PPIL3: variants seen among roughly 807,000 people sequenced by gnomAD.
PPIL3 encodes the protein peptidylprolyl isomerase like 3, also known as peptidyl-prolyl cis-trans isomerase-like 3.
PPIL3 carries 13 observed loss-of-function variants against 20.9 expected under a neutral mutation model. That is an observed-to-expected ratio of 0.62 (90% CI 0.40 to 0.99). PPIL3 has a LOEUF of 0.99. PPIL3 is among the 50% of genes least tolerant of loss of function. PPIL3 has a pLI of 0.00. For synonymous variants in PPIL3, 71 were observed against 64.4 expected, an observed-to-expected ratio of 1.10 and a Z score of -0.49; for missense variants, 170 against 195.2, an observed-to-expected ratio of 0.87 and a Z score of 0.77.
Position 200,885,486 on chromosome 2 carries a change from A to G in PPIL3, c.78+212T>C, listed in dbSNP as rs372950750. 20 of 512,526 alleles carry G rather than the reference A, an allele frequency of 3.9e-5. 1 individual carries two copies. The highest frequency in any genetic ancestry group is 2.6e-4 in the African/African-American group (13 of 50,182). 31.7% of individuals were successfully genotyped at this position (512,526 alleles called of 1,614,324 possible). A position where few individuals can be genotyped will look rare whatever the true frequency, so the allele number is the denominator to read the frequency against. ...AAAAGAAAAAGATACTGGCTACTCTATCGTTACCGAAAAATTATCTACGTT... is the reference window on the plus strand; with the variant it reads ...AAAAGAAAAAGATACTGGCTACTCTGTCGTTACCGAAAAATTATCTACGTT... On this transcript the variant is annotated intron_variant, in intron 3 of 6. Coordinates refer to ENST00000392283, the MANE Select transcript of PPIL3 (RefSeq NM_130906.3).
rs1357576384 is a variant in PPIL3 at position 200,882,330 on chromosome 2, G to A, written c.172+12C>T. The A allele has an allele frequency of 6.6e-7, 1 of 1,518,722 alleles. No homozygotes were observed. The highest frequency in any genetic ancestry group is 1.7e-5 in the Admixed American group (1 of 59,642). The allele number at this position is 1,518,722 out of a possible 1,614,324, so 94.1% of individuals were successfully genotyped here. A position where few individuals can be genotyped will look rare whatever the true frequency, so the allele number is the denominator to read the frequency against. Reference sequence around the variant, plus strand: ...TTCAGTTCCTTAGATCTTGGTTAATGGAATAACTTACCTGTTGGATCTCCT... The same window carrying A: ...TTCAGTTCCTTAGATCTTGGTTAATAGAATAACTTACCTGTTGGATCTCCT... On this transcript the variant is annotated intron_variant, in intron 4 of 6. Transcript: ENST00000392283.
chr2:200,882,637 TG>T (rs2039773931), intron 3 of PPIL3, among the ~76,000 whole-genome samples: 1 of 152,096 alleles, frequency 6.6e-6, no homozygotes, highest in Non-Finnish European at 1.5e-5. Flanking sequence ...TCGCCGGGCA[TG>T]GTGGCTAACG....
chr2:200,881,644 C>A, intron 4 of PPIL3, 156 bp from the exon 5 acceptor site: 1 of 597,736 alleles, frequency 1.7e-6, no homozygotes, highest in Non-Finnish European at 2.9e-6. Context: ...ACTTCACAGA[C>A]CTGAAGATTA....
intron 5 of PPIL3, 146 bp downstream of exon 5, chr2:200,881,275 G>T: frequency 1.6e-6 from 1 of 626,184 alleles, no homozygotes; most frequent in Non-Finnish European, 2.7e-6. Flanking sequence ...AAGTCTCCCC[G>T]ACATCATTTG....
chr2:200,887,341 C>T (rs2039970266), intron 2 of PPIL3, among the ~76,000 whole-genome samples: 1 of 134,790 alleles, frequency 7.4e-6, no homozygotes, highest in Non-Finnish European at 1.5e-5. Context: ...GCCGAGATTA[C>T]ACCACTGCAC....
intron 6 of PPIL3, among the ~76,000 whole-genome samples, chr2:200,872,159 G>GC (rs2039329941): frequency 6.6e-6 from 1 of 152,018 alleles, no homozygotes; most frequent in Non-Finnish European, 1.5e-5. Context: ...GATTTTTCAT[G>GC]CCCCCCAGCT....
chr2:200,885,294 C>T (rs1342166909), intron 3 of PPIL3: 1 of 348,946 alleles, frequency 2.9e-6, no homozygotes, highest in Non-Finnish European at 5.1e-6. Flanking sequence ...TTGCTTGAAC[C>T]CAGGAGGCGG....
In PPIL3 at chr2:200,885,750, A is replaced by G. The variant is rs140784887; in HGVS notation, c.26T>C (p.Val9Ala). MSVTLHTD[V>A]GDIKIEVFCE... ...GAAGACTTCAATTTTAATATCACCT[A>G]CATCTGTATGCAGTGTCACAGACTA... Residue 9 changes from valine to alanine, a missense_variant, in exon 3 of 7, where the codon GTA becomes GCA. Physicochemically the swap from Val to Ala is moderately conservative, Grantham distance 64 (BLOSUM62 0). Transcript: ENST00000392283. The G allele has an allele frequency of 6.3e-7, 1 of 1,593,464 alleles. No homozygotes were observed. Among genetic ancestry groups the G allele is most frequent in the Admixed American group, 1.7e-5 (1 of 58,904 alleles).
chr2:200,881,013 A>AGATGATAAAAGCTGGGTACTGATAAT (rs1559339733), intron 5 of PPIL3, among the ~76,000 whole-genome samples: 1 of 152,216 alleles, frequency 6.6e-6, no homozygotes, highest in African/African-American at 2.4e-5. Context: ...ATCTAACAGA[A>AGATGATAAAAGCTGGGTACTGATAAT]GATGATAAAA....
rs1385923500 is a variant in PPIL3, at chr2:200,871,192, G to T, written c.*203C>A. ...TTTTGTATTAAAATTAAAGAAATAT[G>T]TTGGATAATCATTATAATAAAGAAT... On this transcript the variant is annotated 3_prime_UTR_variant, in exon 7 of 7. Coordinates refer to ENST00000392283, the MANE Select transcript of PPIL3 (RefSeq NM_130906.3). The T allele has an allele frequency of 4.9e-6, 2 of 407,170 alleles. No individual in the cohort carries two copies. The highest frequency in any genetic ancestry group is 8.7e-6 in the Non-Finnish European group (2 of 230,078). The allele number at this position is 407,170 out of a possible 1,614,324, so 25.2% of individuals were successfully genotyped here. A position where few individuals can be genotyped will look rare whatever the true frequency, so the allele number is the denominator to read the frequency against.
At chr2:200,872,738 A>G (rs1009659900) in intron 6 of PPIL3, among the ~76,000 whole-genome samples, 4 of 152,236 alleles carry the variant, frequency 2.6e-5, no homozygotes, top group African/African-American at 9.6e-5. Context: ...CCAAATATGT[A>G]TGTCTTATTA....
At position 200,882,466 on chromosome 2, in the gene PPIL3, T is replaced by C. The variant is rs776524455; in HGVS notation, c.79-31A>G. 8.2e-6 allele frequency: 11 copies of C among 1,345,064 alleles called. No homozygotes were observed. In the African/African-American group the frequency reaches 1.3e-4, roughly 16 times the overall value. The allele number at this position is 1,345,064 out of a possible 1,614,324, so 83.3% of individuals were successfully genotyped here. Reference sequence around the variant, plus strand: ...GGGAGTAAAAATGATTGAGAAATGATGCAGCAGAAACCCAGTTAAGACAAA... The same window carrying C: ...GGGAGTAAAAATGATTGAGAAATGACGCAGCAGAAACCCAGTTAAGACAAA... On this transcript the variant is annotated intron_variant, in intron 3 of 6. Transcript: ENST00000392283.
intron 6 of PPIL3, among the ~76,000 whole-genome samples, chr2:200,876,557 G>A (rs999383974): frequency 1.7e-4 from 24 of 141,332 alleles, no homozygotes; most frequent in African/African-American, 2.9e-4. Context: ...TCACTCTGTC[G>A]CCCAGGCTGG....
chr2:200,879,697 G>A (rs978216249), intron 5 of PPIL3, among the ~76,000 whole-genome samples: 23 of 152,236 alleles, frequency 1.5e-4, no homozygotes, highest in Admixed American at 3.9e-4. Context: ...AGCTGGGCAC[G>A]GTGGTGCACT....
intron 5 of PPIL3, among the ~76,000 whole-genome samples, chr2:200,880,597 G>A (rs1416257910): frequency 1.3e-5 from 2 of 151,822 alleles, no homozygotes; most frequent in Non-Finnish European, 2.9e-5. Context: ...TGTTGCCCAG[G>A]CTGGTTTCAA....
intron 5 of PPIL3, among the ~76,000 whole-genome samples, chr2:200,879,905 T>C (rs895630067): frequency 1.3e-5 from 2 of 152,202 alleles, no homozygotes; most frequent in African/African-American, 4.8e-5. Flanking sequence ...ATGGAAGCAG[T>C]CATTAATGTA....
chr2:200,877,256 A>G (rs2105766142), intron 5 of PPIL3, among the ~76,000 whole-genome samples: 1 of 152,340 alleles, frequency 6.6e-6, no homozygotes, highest in Middle Eastern at 3.4e-3. Context: ...CAGCACACCC[A>G]GCCAAGACAT....
Position 200,877,004 on chromosome 2 carries a change from T to C in PPIL3, c.274A>G (p.Asn92Asp), listed in dbSNP as rs1375589236. Reference sequence around the variant, plus strand: ...TGAGATCCATTGGTGTTCGGGCCATTATTAGCCATAGATACAACACCTCTA... The same window carrying C: ...TGAGATCCATTGGTGTTCGGGCCATCATTAGCCATAGATACAACACCTCTA... ...NVRGVVSMAN[N>D]GPNTNGSQFF... The change falls in exon 6 of 7, where the codon AAT becomes GAT. Residue 92 changes from asparagine (N) to aspartate (D), a missense_variant. Physicochemically the swap from Asn to Asp is conservative, Grantham distance 23. Coordinates refer to ENST00000392283, the MANE Select transcript of PPIL3 (RefSeq NM_130906.3). The C allele has an allele frequency of 6.2e-7, 1 of 1,613,412 alleles. No individual in the cohort carries two copies. Among genetic ancestry groups the C allele is most frequent in the East Asian group, 2.2e-5 (1 of 44,874 alleles).
intron 5 of PPIL3, among the ~76,000 whole-genome samples, chr2:200,881,005 C>A (rs1396640605): frequency 3.3e-5 from 5 of 152,148 alleles, no homozygotes; most frequent in Admixed American, 2.0e-4. Flanking sequence ...GTTCAAACAT[C>A]TAACAGAAGA....
Sources: allele counts gnomAD v4.1 joint callset (sites outside exome capture counted in the v4.1 genomes callset), GRCh38; gene constraint gnomAD v4.1.1; transcripts MANE v1.5; gene names NCBI Gene and HGNC (gene_info 2026-07-23, HGNC 2026-07-21).